DCDC1: variants seen among roughly 807,000 people sequenced by gnomAD.
The protein encoded by DCDC1 is doublecortin domain containing 1.
DCDC1 carries 200 observed loss-of-function variants against 178.3 expected under a neutral mutation model. The observed-to-expected ratio is 1.12, with a 90% CI of 1.00 to 1.26. The LOEUF is 1.26. DCDC1 is among the 50% of genes most tolerant of loss of function. The pLI, the probability that DCDC1 is intolerant of heterozygous loss-of-function variation, is 0.00. For missense variants in DCDC1, 1,983 were observed against 1,749.2 expected, an observed-to-expected ratio of 1.13 and a Z score of -2.38; for synonymous variants, 690 against 604.8, an observed-to-expected ratio of 1.14 and a Z score of -2.07.
intron 34 of DCDC1, among the ~76,000 whole-genome samples, chr11:30,898,894 T>C (rs539571601): frequency 3.3e-5 from 5 of 152,234 alleles, no homozygotes; most frequent in African/African-American, 1.2e-4. Context: ...CTCAAGTCCA[T>C]AGTACATTGT....
At chr11:31,157,116 C>T (rs1023137845) in intron 9 of DCDC1, among the ~76,000 whole-genome samples, 1 of 151,728 alleles carries the variant, frequency 6.6e-6, no homozygotes, top group African/African-American at 2.4e-5. Flanking sequence ...GGGTGGCTCA[C>T]ATCTCTAATC....
chr11:30,888,108 A>AAGAAAGAAAGAAAGAAAAAG (rs1943414945), intron 36 of DCDC1, among the ~76,000 whole-genome samples: 1 of 114,062 alleles, frequency 8.8e-6, no homozygotes. Flanking sequence ...AAAAGAAAGA[A>AAGAAAGAAAGAAAGAAAAAG]AGAAAGAAAG....
In DCDC1 at chr11:31,241,434, A is replaced by G. The variant is rs1356704164; in HGVS notation, c.1221+16T>C. ...AAAACATATAATAAAGAAATTTTTA[A>G]AGAGGGATGACTCACCTGTTTATAA... On this transcript the variant is annotated intron_variant, in intron 9 of 38. Coordinates refer to ENST00000684477, the MANE Select transcript of DCDC1 (RefSeq NM_001387274.1). 1 of 396,562 alleles carries G rather than the reference A, an allele frequency of 2.5e-6. No homozygotes were observed. Among genetic ancestry groups the G allele is most frequent in the East Asian group, 3.6e-5 (1 of 28,038 alleles). The allele number at this position is 396,562 out of a possible 1,614,324, so 24.6% of individuals were successfully genotyped here. A position where few individuals can be genotyped will look rare whatever the true frequency, so the allele number is the denominator to read the frequency against.
At chr11:31,038,048 G>A (rs1366211975) in intron 20 of DCDC1, among the ~76,000 whole-genome samples, 1 of 121,796 alleles carries the variant, frequency 8.2e-6, no homozygotes, top group East Asian at 2.4e-4. Flanking sequence ...CACAGGAAGG[G>A]GAACATCACG....
intron 20 of DCDC1, among the ~76,000 whole-genome samples, chr11:31,017,282 C>T (rs1952540671): frequency 6.6e-6 from 1 of 152,184 alleles, no homozygotes; most frequent in Non-Finnish European, 1.5e-5. Flanking sequence ...TTCTCCTCTT[C>T]CTCTTCCTCC....
intron 9 of DCDC1, among the ~76,000 whole-genome samples, chr11:31,164,266 T>C (rs1014087991): frequency 1.3e-5 from 2 of 152,124 alleles, no homozygotes; most frequent in Non-Finnish European, 2.9e-5. Flanking sequence ...TCCTATCTCC[T>C]AGTGACACTG....
At chr11:31,368,348 C>T (rs1020620688) in intron 1 of DCDC1, among the ~76,000 whole-genome samples, 2 of 152,292 alleles carry the variant, frequency 1.3e-5, no homozygotes, top group Middle Eastern at 3.4e-3. Context: ...TCTACCTACA[C>T]AAGGAAGAAC....
At chr11:31,345,588 T>TA (rs749916450) in intron 1 of DCDC1, among the ~76,000 whole-genome samples, 1,457 of 144,878 alleles carry the variant, frequency 0.01, 64 homozygotes, top group Admixed American at 0.084. Context: ...CTCTGAAAAG[T>TA]AAAAAAAAAA....
chr11:31,180,473 T>A (rs1019215162), intron 9 of DCDC1, among the ~76,000 whole-genome samples: 2 of 151,846 alleles, frequency 1.3e-5, no homozygotes, highest in East Asian at 3.9e-4. Context: ...AGAAAGCGGG[T>A]GATTTCTGCA....
At chr11:31,157,410 CAT>C (rs1263923967) in intron 9 of DCDC1, among the ~76,000 whole-genome samples, 2 of 141,698 alleles carry the variant, frequency 1.4e-5, no homozygotes, top group African/African-American at 5.2e-5. Flanking sequence ...CACACACACA[CAT>C]ATATATACAC....
At chr11:30,916,798 T>C in intron 26 of DCDC1, 72 bp downstream of exon 26, 2 of 1,439,120 alleles carry the variant, frequency 1.4e-6, no homozygotes, top group Non-Finnish European at 9.2e-7. Context: ...CTCTTGGGAA[T>C]ATATGTGTCC....
At position 31,259,565 on chromosome 11, in the gene DCDC1, C is replaced by A. The variant is rs1449087148; in HGVS notation, c.1054+5942G>T. 3.3e-5 allele frequency among the ~76,000 whole-genome samples: 5 copies of A among 152,150 alleles called. No individual in the cohort carries two copies. In the East Asian group the frequency reaches 9.6e-4, roughly 29 times the overall value. On this transcript the variant is annotated intron_variant, in intron 8 of 38. Transcript: ENST00000684477. ...CTGACTCTCAGAGAAGCTAAATAAT[C>A]TGTCCAAGGTCACATAGTAAGTGGC...
intron 9 of DCDC1, among the ~76,000 whole-genome samples, chr11:31,160,295 C>T (rs898088660): frequency 7.2e-5 from 11 of 152,110 alleles, no homozygotes; most frequent in African/African-American, 2.4e-4. Flanking sequence ...ATCACACATT[C>T]GGAATTCACA....
intron 21 of DCDC1, among the ~76,000 whole-genome samples, chr11:30,951,949 A>T (rs1406183577): frequency 6.6e-6 from 1 of 152,180 alleles, no homozygotes; most frequent in African/African-American, 2.4e-5. Flanking sequence ...ATTGCCAGAT[A>T]AAATTTTTAA....
intron 6 of DCDC1, among the ~76,000 whole-genome samples, chr11:31,298,558 G>A (rs369440437): frequency 5.3e-5 from 8 of 152,138 alleles, no homozygotes; most frequent in African/African-American, 1.9e-4. Flanking sequence ...AAAGCACTCA[G>A]AGAAACTTAT....
intron 20 of DCDC1, among the ~76,000 whole-genome samples, chr11:31,029,953 C>A (rs1953508879): frequency 1.3e-5 from 2 of 151,942 alleles, no homozygotes; most frequent in Admixed American, 1.3e-4. Context: ...AGGAAGCCCC[C>A]CTCCATGTAA....
chr11:30,975,252 C>G (rs1189046099), intron 20 of DCDC1, among the ~76,000 whole-genome samples: 1 of 151,844 alleles, frequency 6.6e-6, no homozygotes, highest in Admixed American at 6.6e-5. Flanking sequence ...TATGACAAAC[C>G]CACAGCTAAC....
rs1052560896 is a variant in DCDC1 at position 30,911,230 on chromosome 11, T to C, written c.3747+97A>G. The C allele has an allele frequency of 2.5e-5, 24 of 945,726 alleles. No individual in the cohort carries two copies. In the African/African-American group the frequency reaches 2.9e-4, roughly 11 times the overall value. 58.6% of individuals were successfully genotyped at this position (945,726 alleles called of 1,614,324 possible). On this transcript the variant is annotated intron_variant, in intron 28 of 38. Transcript: ENST00000684477. Reference sequence around the variant, plus strand: ...TTAACAACATTCAAATAGGATTCTATGACAGTTTTTTTTTTTCCTCCACTA... The same window carrying C: ...TTAACAACATTCAAATAGGATTCTACGACAGTTTTTTTTTTTCCTCCACTA...
At position 31,205,517 on chromosome 11, in the gene DCDC1, T is replaced by G. The variant is rs192072011; in HGVS notation, c.1221+35933A>C. Among the ~76,000 whole-genome samples the G allele has an allele frequency of 3.0e-3, 460 of 152,318 alleles. 1 individual carries two copies. The highest frequency in any genetic ancestry group is 4.0e-3 in the Non-Finnish European group (273 of 68,016). On this transcript the variant is annotated intron_variant, in intron 9 of 38. Coordinates refer to ENST00000684477, the MANE Select transcript of DCDC1 (RefSeq NM_001387274.1). ...ATCACAATAAAGGAAAGGTACTTTG[T>G]CTGCTTCTTTTAAGTACAATTCTTA...
Sources: gnomAD v4.1 joint callset for allele counts (sites outside exome capture counted in the v4.1 genomes callset) on GRCh38, gnomAD v4.1.1 for gene constraint, MANE v1.5 for transcripts, NCBI Gene and HGNC (gene_info 2026-07-23, HGNC 2026-07-21) for gene names.